The following CIST1 variants were observed in gnomAD, a reference collection of about 807,000 sequenced individuals.
CIST1 encodes the protein uncharacterized LOC729966.
At chr19:18,253,686 A>C in the CIST1 span, among the ~76,000 whole-genome samples, 3 of 152,220 alleles carry the variant, frequency 2.0e-5, no homozygotes, top group Non-Finnish European at 2.9e-5. Context: ...GGCTAACCTC[A>C]ACTTTAATGG....
the CIST1 span, among the ~76,000 whole-genome samples, chr19:18,251,909 CGCATA>C: frequency 2.0e-5 from 3 of 151,864 alleles, no homozygotes; most frequent in Admixed American, 2.0e-4. Context: ...TTAATAAATG[CGCATA>C]GCATGAAGAG....
At chr19:18,255,296 G>A in the CIST1 span, 4 of 399,242 alleles carry the variant, frequency 1.0e-5, no homozygotes, top group Non-Finnish European at 1.8e-5. This position sits in a 1 kb window ranked among gnomAD's most constrained non-coding sequence, Gnocchi z 4.6. Flanking sequence ...GCGGCAGCTG[G>A]GGGCACGCCA....
chr19:18,251,338 C>T, the CIST1 span, among the ~76,000 whole-genome samples: 1 of 151,474 alleles, frequency 6.6e-6, no homozygotes, highest in Admixed American at 6.6e-5. Context: ...GTTGGCCAGG[C>T]TGGTCTTGAA....
chr19:18,252,200 A>C, the CIST1 span: 4 of 398,932 alleles, frequency 1.0e-5, no homozygotes, highest in African/African-American at 6.2e-5. Context: ...TGAGCTCTGC[A>C]CTGGGGGAGC....
At chr19:18,251,706 G>GCCCCCGCCCCCGCCC in the CIST1 span, among the ~76,000 whole-genome samples, 4 of 35,456 alleles carry the variant, frequency 1.1e-4, no homozygotes, top group Non-Finnish European at 1.2e-4. Context: ...CCCGCCCTCG[G>GCCCCCGCCCCCGCCC]CCTCCCAAAG....
chr19:18,250,417 G>A, the CIST1 span: 7 of 399,040 alleles, frequency 1.8e-5, no homozygotes, highest in African/African-American at 1.0e-4. Flanking sequence ...GCAAACACAC[G>A]ACCACCACCA....
the CIST1 span, among the ~76,000 whole-genome samples, chr19:18,251,676 A>ACCCCCCC: frequency 0.025 from 589 of 23,582 alleles, 6 homozygotes; most frequent in African/African-American, 0.065. Context: ...CTCGTGATAC[A>ACCCCCCC]CGCCCCCCCC....
chr19:18,251,908 G>A, the CIST1 span, among the ~76,000 whole-genome samples: 1 of 151,826 alleles, frequency 6.6e-6, no homozygotes, highest in South Asian at 2.1e-4. Flanking sequence ...CTTAATAAAT[G>A]CGCATAGCAT....
chr19:18,255,388 G>C, the CIST1 span: 85 of 397,772 alleles, frequency 2.1e-4, no homozygotes, highest in African/African-American at 1.7e-3. The surrounding 1 kb of genome is among the most constrained non-coding windows in gnomAD (Gnocchi z 4.6). Context: ...CCTTGCACCT[G>C]CGTGTGCGCT....
chr19:18,250,258 C>T, the CIST1 span: 94,584 of 398,876 alleles, frequency 0.24, 12,224 homozygotes, highest in East Asian at 0.29. Flanking sequence ...GATAGCAGCT[C>T]CCCCAACCAT....
At chr19:18,253,851 G>A in the CIST1 span, among the ~76,000 whole-genome samples, 1 of 152,188 alleles carries the variant, frequency 6.6e-6, no homozygotes, top group Non-Finnish European at 1.5e-5. Context: ...CTCCCACAAC[G>A]ACTTCCCACC....
At chr19:18,255,364 C>T in the CIST1 span, 1 of 387,394 alleles carries the variant, frequency 2.6e-6, no homozygotes, top group Non-Finnish European at 4.4e-6. The surrounding 1 kb of genome is among the most constrained non-coding windows in gnomAD (Gnocchi z 4.6). Flanking sequence ...CAGGTGTGTG[C>T]CCAGGTGCCA....
At chr19:18,252,379 G>C in the CIST1 span, 2 of 399,070 alleles carry the variant, frequency 5.0e-6, no homozygotes, top group African/African-American at 2.1e-5. Context: ...GATTTGGGGG[G>C]TTCCCCTGAA....
chr19:18,251,703 T>TCCCCGCCCCCGCCCCCGCCCCCGCCCC, the CIST1 span, among the ~76,000 whole-genome samples: 2 of 68,804 alleles, frequency 2.9e-5, no homozygotes, highest in Non-Finnish European at 2.6e-5. Context: ...GCCCCCGCCC[T>TCCCCGCCCCCGCCCCCGCCCCCGCCCC]CGGCCTCCCA....
chr19:18,254,481 A>T, the CIST1 span, among the ~76,000 whole-genome samples: 11 of 152,316 alleles, frequency 7.2e-5, no homozygotes, highest in African/African-American at 2.6e-4. Flanking sequence ...AGAGACTCCT[A>T]GACTGGGAGG....
the CIST1 span, among the ~76,000 whole-genome samples, chr19:18,253,503 A>G: frequency 6.6e-6 from 1 of 151,686 alleles, no homozygotes; most frequent in East Asian, 1.9e-4. Context: ...GTAAGCCATG[A>G]TCATGCCACT....
At chr19:18,255,284 T>A in the CIST1 span, 15 of 399,014 alleles carry the variant, frequency 3.8e-5, no homozygotes, top group African/African-American at 3.1e-4. This position sits in a 1 kb window ranked among gnomAD's most constrained non-coding sequence, Gnocchi z 4.6. Context: ...AAAGCAGAAG[T>A]GGCGGCAGCT....
the CIST1 span, among the ~76,000 whole-genome samples, chr19:18,251,676 A>ACCCCCCCCCCCCCCCCCCCCCCCCCCC: frequency 8.5e-5 from 2 of 23,568 alleles, no homozygotes; most frequent in African/African-American, 2.3e-4. Context: ...CTCGTGATAC[A>ACCCCCCCCCCCCCCCCCCCCCCCCCCC]CGCCCCCCCC....
chr19:18,255,396 G>A, the CIST1 span: 4 of 397,754 alleles, frequency 1.0e-5, no homozygotes, highest in East Asian at 3.6e-5. This position sits in a 1 kb window ranked among gnomAD's most constrained non-coding sequence, Gnocchi z 4.6. Context: ...CTGCGTGTGC[G>A]CTCCCTGCTG....
Sources: gnomAD v4.1 joint callset for allele counts (sites outside exome capture counted in the v4.1 genomes callset) on GRCh38, gnomAD v4.1.1 for gene constraint, Gnocchi (gnomAD v3.1) non-coding constraint, MANE v1.5 for transcripts, NCBI Gene and HGNC (gene_info 2026-07-23, HGNC 2026-07-21) for gene names.